ADAMTSL1: variants seen among roughly 807,000 people sequenced by gnomAD.
ADAMTSL1 encodes the protein ADAMTS like 1, also known as ADAMTS-like protein 1.
A neutral mutation model predicts 201.8 loss-of-function variants in ADAMTSL1; 126 were observed. That is an observed-to-expected ratio of 0.62 (90% CI 0.54 to 0.72). The LOEUF (loss-of-function observed/expected upper bound fraction) is 0.72, where lower values mean the gene tolerates loss of function less well. Ranked by LOEUF, ADAMTSL1 falls within the 30% of genes least tolerant of loss-of-function variation. The pLI is 0.00. For missense variants in ADAMTSL1, 2,679 were observed against 2,277.8 expected, an observed-to-expected ratio of 1.18 and a Z score of -3.59; for synonymous variants, 1,121 against 903.4, an observed-to-expected ratio of 1.24 and a Z score of -4.32.
chr9:18,793,520 T>C (rs1364542633), intron 19 of ADAMTSL1, among the ~76,000 whole-genome samples: 1 of 152,216 alleles, frequency 6.6e-6, no homozygotes, highest in East Asian at 1.9e-4. Flanking sequence ...CCCACATTTC[T>C]GTTGTTTCCC....
At chr9:18,508,791 C>T (rs555942393) in intron 2 of ADAMTSL1, among the ~76,000 whole-genome samples, 1 of 152,114 alleles carries the variant, frequency 6.6e-6, no homozygotes, top group African/African-American at 2.4e-5. Context: ...TACATTCTAA[C>T]ATTTTTCTCA....
At chr9:17,929,346 A>C (rs1226077821) in intron 1 of ADAMTSL1, among the ~76,000 whole-genome samples, 2 of 152,042 alleles carry the variant, frequency 1.3e-5, no homozygotes, top group Non-Finnish European at 2.9e-5. Context: ...ATCTTAACAC[A>C]ATAAATGTAC....
At chr9:18,125,068 G>C (rs529926079) in intron 1 of ADAMTSL1, among the ~76,000 whole-genome samples, 2 of 152,248 alleles carry the variant, frequency 1.3e-5, no homozygotes, top group East Asian at 3.9e-4. Context: ...AGTTGTATTA[G>C]TCCATTTTCA....
chr9:18,841,135 C>A (rs1392441009), intron 23 of ADAMTSL1, among the ~76,000 whole-genome samples: 23 of 151,556 alleles, frequency 1.5e-4, no homozygotes, highest in African/African-American at 5.1e-4. Context: ...GGGAATGCTT[C>A]CAGTTTTTGC....
At chr9:18,342,288 A>C (rs1203037927) in intron 2 of ADAMTSL1, among the ~76,000 whole-genome samples, 3 of 152,152 alleles carry the variant, frequency 2.0e-5, no homozygotes, top group Non-Finnish European at 4.4e-5. Flanking sequence ...ATTGTTTTAA[A>C]AAATATTTAG....
chr9:18,798,161 G>A (rs1433577524), intron 20 of ADAMTSL1, among the ~76,000 whole-genome samples: 1 of 152,054 alleles, frequency 6.6e-6, no homozygotes, highest in Non-Finnish European at 1.5e-5. Context: ...AGGAAAGTAT[G>A]GACTTGTGTG....
chr9:18,511,752 T>C (rs1326447608), intron 2 of ADAMTSL1, among the ~76,000 whole-genome samples: 1 of 152,196 alleles, frequency 6.6e-6, no homozygotes, highest in African/African-American at 2.4e-5. Context: ...TACACTAATA[T>C]AGGCTTTAGT....
chr9:18,396,228 A>T (rs1430773193), intron 2 of ADAMTSL1, among the ~76,000 whole-genome samples: 3 of 152,166 alleles, frequency 2.0e-5, no homozygotes, highest in Non-Finnish European at 4.4e-5. Flanking sequence ...GTTGGTGGCC[A>T]TGGCTGTGGA....
intron 2 of ADAMTSL1, among the ~76,000 whole-genome samples, chr9:18,168,460 A>G (rs1223093534): frequency 6.6e-6 from 1 of 151,748 alleles, no homozygotes; most frequent in South Asian, 2.1e-4. Flanking sequence ...TGAACTCATC[A>G]TTTTTTATGG....
At chr9:18,676,735 C>T (rs187810564) in intron 10 of ADAMTSL1, among the ~76,000 whole-genome samples, 1 of 151,958 alleles carries the variant, frequency 6.6e-6, no homozygotes, top group Non-Finnish European at 1.5e-5. Context: ...TATTTAGAAC[C>T]AAGGGTTTAT....
At chr9:18,593,195 G>A (rs1824037522) in intron 4 of ADAMTSL1, among the ~76,000 whole-genome samples, 1 of 151,908 alleles carries the variant, frequency 6.6e-6, no homozygotes, top group African/African-American at 2.4e-5. Flanking sequence ...TTCCAATTTG[G>A]AAACCCTTTA....
intron 2 of ADAMTSL1, among the ~76,000 whole-genome samples, chr9:18,260,946 T>C (rs1422022381): frequency 2.6e-5 from 4 of 152,084 alleles, no homozygotes; most frequent in African/African-American, 9.6e-5. Flanking sequence ...GCTCTATATA[T>C]TTAGCAAGTT....
At chr9:18,893,660 G>C (rs145163445) in intron 26 of ADAMTSL1, among the ~76,000 whole-genome samples, 1 of 152,190 alleles carries the variant, frequency 6.6e-6, no homozygotes, top group Non-Finnish European at 1.5e-5. Context: ...ATTACAGATT[G>C]CAGACAAATA....
intron 5 of ADAMTSL1, among the ~76,000 whole-genome samples, chr9:18,635,738 G>A (rs566699074): frequency 1.3e-5 from 2 of 152,190 alleles, no homozygotes; most frequent in South Asian, 2.1e-4. Flanking sequence ...AAATCCTCTA[G>A]GAGTTAACTA....
chr9:18,526,936 G>A (rs565239536), intron 2 of ADAMTSL1, among the ~76,000 whole-genome samples: 1 of 152,256 alleles, frequency 6.6e-6, no homozygotes, highest in African/African-American at 2.4e-5. Context: ...ATGGCTTTAT[G>A]TCTTTTCTCT....
intron 2 of ADAMTSL1, among the ~76,000 whole-genome samples, chr9:18,315,816 C>G (rs1834367093): frequency 6.6e-6 from 1 of 152,190 alleles, no homozygotes; most frequent in Non-Finnish European, 1.5e-5. Context: ...CAAGCACAGC[C>G]AGAGTGGACA....
At chr9:18,162,036 G>C (rs1018903141) in intron 1 of ADAMTSL1, among the ~76,000 whole-genome samples, 10 of 151,998 alleles carry the variant, frequency 6.6e-5, no homozygotes, top group African/African-American at 2.4e-4. Context: ...TAGCACAAAA[G>C]TATTATCTTA....
At chr9:18,418,697 C>T (rs899616991) in intron 2 of ADAMTSL1, among the ~76,000 whole-genome samples, 1 of 152,042 alleles carries the variant, frequency 6.6e-6, no homozygotes, top group African/African-American at 2.4e-5. Flanking sequence ...TCAAAGAAGA[C>T]CTAAGTAAAT....
intron 1 of ADAMTSL1, among the ~76,000 whole-genome samples, chr9:18,498,810 A>C (rs558970849): frequency 5.3e-5 from 8 of 152,232 alleles, no homozygotes; most frequent in African/African-American, 1.9e-4. Context: ...TTGTAAAATA[A>C]GGAAAAAAAA....
Sources: allele counts gnomAD v4.1 joint callset (sites outside exome capture counted in the v4.1 genomes callset), GRCh38; gene constraint gnomAD v4.1.1; transcripts MANE v1.5; gene names NCBI Gene and HGNC (gene_info 2026-07-23, HGNC 2026-07-21).